The following TTBK2 variants were observed in gnomAD, a reference collection of about 807,000 sequenced individuals.
TTBK2 encodes the protein tau-tubulin kinase 2.
TTBK2 carries 28 observed loss-of-function variants against 110.8 expected under a neutral mutation model. The ratio of observed to expected loss-of-function variants is 0.25; its 90% CI spans 0.19 to 0.35. The LOEUF is 0.35. TTBK2 is among the 10% of genes least tolerant of loss of function. The pLI, the probability that TTBK2 is intolerant of heterozygous loss-of-function variation, is 1.00. For synonymous variants in TTBK2, 532 were observed against 527.3 expected (o/e 1.01, Z -0.12); for missense variants, 1,369 against 1,500.3 (o/e 0.91, Z 1.45).
intron 13 of TTBK2, among the ~76,000 whole-genome samples, chr15:42,773,046 T>C (rs1430867045): frequency 2.0e-5 from 3 of 152,100 alleles, no homozygotes; most frequent in Non-Finnish European, 4.4e-5. Flanking sequence ...CCCTGAAATA[T>C]AGCAAAATTA....
In TTBK2 at chr15:42,775,310, T is replaced by C; in HGVS notation, c.1823A>G (p.His608Arg). ...LQLGPWAEND[H>R]LKKETSGVVL... is the part of the protein sequence containing the mutation. Reference sequence around the variant, plus strand: ...CACACCTGAGGTTTCCTTCTTTAAATGATCATTTTCTGCCCAAGGACCTAA... The same window carrying C: ...CACACCTGAGGTTTCCTTCTTTAAACGATCATTTTCTGCCCAAGGACCTAA... Residue 608 changes from histidine (H) to arginine (R), a missense_variant, in exon 13 of 15, where the codon CAT (histidine) becomes CGT (arginine). Coordinates refer to ENST00000267890, the MANE Select transcript of TTBK2 (RefSeq NM_173500.4). 6.2e-7 allele frequency: 1 copy of C among 1,614,204 alleles called. No individual in the cohort carries two copies. Among genetic ancestry groups the C allele is most frequent in the Non-Finnish European group, 8.5e-7 (1 of 1,180,036 alleles).
intron 1 of TTBK2, among the ~76,000 whole-genome samples, chr15:42,904,024 T>C (rs1163814983): frequency 2.0e-5 from 3 of 152,150 alleles, no homozygotes; most frequent in African/African-American, 7.2e-5. Context: ...ACTACAGGAA[T>C]TGAATCCTGC....
chr15:42,751,378 T>C (rs2061863671), intron 14 of TTBK2, among the ~76,000 whole-genome samples: 1 of 152,208 alleles, frequency 6.6e-6, no homozygotes, highest in Admixed American at 6.5e-5. Context: ...GTTATAACTT[T>C]AGAATATTAA....
chr15:42,782,864 C>G (rs746093876), intron 11 of TTBK2, among the ~76,000 whole-genome samples: 1 of 152,136 alleles, frequency 6.6e-6, no homozygotes, highest in Admixed American at 6.5e-5. Flanking sequence ...GGGCTGACAA[C>G]TGAGAATGTC....
intron 13 of TTBK2, among the ~76,000 whole-genome samples, chr15:42,774,066 G>A (rs552329416): frequency 1.3e-5 from 2 of 152,290 alleles, no homozygotes; most frequent in African/African-American, 4.8e-5. Context: ...AAGCAGGCAG[G>A]CCTTTATTTC....
At chr15:42,874,429 G>A (rs1894732803) in intron 2 of TTBK2, among the ~76,000 whole-genome samples, 2 of 151,742 alleles carry the variant, frequency 1.3e-5, no homozygotes, top group East Asian at 2.0e-4. Flanking sequence ...CAATTCTCCT[G>A]CCTCAGCCTC....
At chr15:42,843,713 T>G (rs1355743996) in intron 3 of TTBK2, among the ~76,000 whole-genome samples, 1 of 139,988 alleles carries the variant, frequency 7.1e-6, no homozygotes, top group Admixed American at 8.0e-5. Flanking sequence ...GAGCCAAGAT[T>G]GCGCCGCTGC....
chr15:42,876,109 TAA>T (rs1894811723), intron 2 of TTBK2, among the ~76,000 whole-genome samples: 1 of 152,124 alleles, frequency 6.6e-6, no homozygotes, highest in Admixed American at 6.5e-5. Context: ...GCCACATGGT[TAA>T]GAGACAAATC....
At chr15:42,853,714 A>G (rs1206942825) in intron 3 of TTBK2, among the ~76,000 whole-genome samples, 4 of 152,082 alleles carry the variant, frequency 2.6e-5, no homozygotes, top group African/African-American at 9.7e-5. Context: ...GTCAGATTGA[A>G]CATACTATGG....
At chr15:42,813,719 G>C (rs1161309633) in intron 7 of TTBK2, among the ~76,000 whole-genome samples, 1 of 151,456 alleles carries the variant, frequency 6.6e-6, no homozygotes, top group African/African-American at 2.4e-5. Flanking sequence ...GGCAGCATAT[G>C]CCTGTAATCC....
chr15:42,746,547 G>A (rs900552946), intron 14 of TTBK2, among the ~76,000 whole-genome samples: 4 of 152,074 alleles, frequency 2.6e-5, no homozygotes, highest in African/African-American at 7.2e-5. Context: ...AATGGTATTC[G>A]TTCCCTTCCT....
intron 10 of TTBK2, among the ~76,000 whole-genome samples, chr15:42,793,832 C>T (rs1378710478): frequency 6.6e-6 from 1 of 150,912 alleles, no homozygotes; most frequent in African/African-American, 2.4e-5. Flanking sequence ...AATGAAACTC[C>T]ATGTTTAAAA....
At chr15:42,770,955 A>G (rs1319944898) in intron 13 of TTBK2, among the ~76,000 whole-genome samples, 1 of 151,276 alleles carries the variant, frequency 6.6e-6, no homozygotes, top group African/African-American at 2.4e-5. Flanking sequence ...GCCACATGGA[A>G]CTATTTCTTT....
intron 10 of TTBK2, among the ~76,000 whole-genome samples, chr15:42,788,066 T>C (rs555744723): frequency 6.6e-6 from 1 of 151,968 alleles, no homozygotes; most frequent in Non-Finnish European, 1.5e-5. Flanking sequence ...TATCTAAACA[T>C]AGAAAAGGTA....
intron 5 of TTBK2, among the ~76,000 whole-genome samples, chr15:42,828,679 C>T (rs527496983): frequency 3.1e-4 from 46 of 149,510 alleles, no homozygotes; most frequent in Admixed American, 2.8e-3. Context: ...GTTGAGATTG[C>T]GCCACGGCAC....
intron 4 of TTBK2, among the ~76,000 whole-genome samples, chr15:42,830,628 C>T (rs1159500365): frequency 6.6e-6 from 1 of 151,692 alleles, no homozygotes; most frequent in African/African-American, 2.4e-5. Context: ...TCTCTGAAGT[C>T]ATAACAAAAA....
intron 6 of TTBK2, among the ~76,000 whole-genome samples, chr15:42,820,061 T>G (rs932848279): frequency 2.6e-5 from 4 of 152,210 alleles, no homozygotes; most frequent in Admixed American, 2.6e-4. Flanking sequence ...CTGACCTTAC[T>G]TCTGCCATAG....
chr15:42,765,240 C>T (rs150205026), intron 13 of TTBK2, among the ~76,000 whole-genome samples: 12 of 152,292 alleles, frequency 7.9e-5, no homozygotes, highest in Admixed American at 2.0e-4. Flanking sequence ...TCGCCATCAA[C>T]GGAACAAAGC....
chr15:42,817,035 G>A lies in TTBK2; in HGVS notation c.600C>T (p.Asn200=), dbSNP rs777276712. ...VRYASINAHR[N]REMGRHDDLW... ...TGACTCTAGTTCAGATACCTACCCT[G>A]TTCCGATGTGCGTTGATTGATGCAT... Residue 200 remains asparagine (N), a synonymous_variant, in exon 7 of 15, where the codon AAC becomes AAT. Coordinates refer to ENST00000267890, the MANE Select transcript of TTBK2 (RefSeq NM_173500.4). 8 of 1,601,886 alleles carry A rather than the reference G, an allele frequency of 5.0e-6. No individual in the cohort carries two copies. Among genetic ancestry groups the A allele is most frequent in the Non-Finnish European group, 6.8e-6 (8 of 1,172,692 alleles).
Sources: gnomAD v4.1 joint callset for allele counts (sites outside exome capture counted in the v4.1 genomes callset) on GRCh38, gnomAD v4.1.1 for gene constraint, MANE v1.5 for transcripts, NCBI Gene and HGNC (gene_info 2026-07-23, HGNC 2026-07-21) for gene names.